The following POM121 variants were observed in gnomAD, a reference collection of about 807,000 sequenced individuals.
POM121 encodes POM121 transmembrane nucleoporin.
POM121 carries 32 observed loss-of-function variants against 81.3 expected under a neutral mutation model. The ratio of observed to expected loss-of-function variants is 0.39; its 90% CI spans 0.30 to 0.53. The LOEUF is 0.53. Ranked by LOEUF, POM121 falls within the 20% of genes least tolerant of loss-of-function variation. The pLI, the probability that POM121 is intolerant of heterozygous loss-of-function variation, is 0.66. For missense variants in POM121, 1,138 were observed against 1,614.6 expected (o/e 0.70, Z 5.06); for synonymous variants, 514 against 694.2 (o/e 0.74, Z 4.08).
At chr7:72,912,895 C>T (rs1385213273) in intron 3 of POM121, among the ~76,000 whole-genome samples, 14 of 152,150 alleles carry the variant, frequency 9.2e-5, no homozygotes, top group Non-Finnish European at 8.8e-5. Flanking sequence ...TCCGCGTCAT[C>T]AGTGGTACAT....
chr7:72,920,058 G>A (rs1325541170), intron 4 of POM121, among the ~76,000 whole-genome samples: 2 of 151,982 alleles, frequency 1.3e-5, no homozygotes, highest in African/African-American at 2.4e-5. Context: ...TTGAGCTTTG[G>A]GTCTGTGGGT....
At chr7:72,931,567 G>A (rs1415658051) in intron 5 of POM121, among the ~76,000 whole-genome samples, 12 of 150,554 alleles carry the variant, frequency 8.0e-5, no homozygotes, top group African/African-American at 2.7e-4. Flanking sequence ...CTAGTAACAC[G>A]CAATTTCTTT....
chr7:72,944,392 G>A (rs1741265083), intron 11 of POM121, among the ~76,000 whole-genome samples: 1 of 152,072 alleles, frequency 6.6e-6, no homozygotes, highest in African/African-American at 2.4e-5. Flanking sequence ...GGGAGAGAGA[G>A]GGTCAGGATA....
chr7:72,926,678 G>A, intron 2 of POM121, 124 bp from the exon 3 acceptor site: 1 of 1,493,518 alleles, frequency 6.7e-7, no homozygotes, highest in Non-Finnish European at 9.1e-7. Flanking sequence ...AACGGGAACT[G>A]CTGTGAGTGT....
At chr7:72,937,364 C>T (rs1796615402) in intron 5 of POM121, among the ~76,000 whole-genome samples, 1 of 151,884 alleles carries the variant, frequency 6.6e-6, no homozygotes. Context: ...ATCCTTGGAT[C>T]CCTTTGATGA....
intron 1 of POM121, among the ~76,000 whole-genome samples, chr7:72,884,532 TAG>T (rs1790500693): frequency 1.4e-5 from 1 of 72,624 alleles, no homozygotes; most frequent in South Asian, 4.4e-4. Flanking sequence ...ATATATTTGA[TAG>T]CAAATATATA....
In POM121 at chr7:72,946,558, C is replaced by A. The variant is rs1248706126; in HGVS notation, c.*324C>A. The A allele has an allele frequency of 3.7e-6, 4 of 1,074,876 alleles. No homozygotes were observed. The highest frequency in any genetic ancestry group is 5.1e-5 in the Admixed American group (1 of 19,454). The allele number at this position is 1,074,876 out of a possible 1,614,324, so 66.6% of individuals were successfully genotyped here. On this transcript the variant is annotated 3_prime_UTR_variant, in exon 13 of 13. Coordinates refer to ENST00000434423, the MANE Select transcript of POM121 (RefSeq NM_001387691.1). ...CCCGCTTAGCACACCCTTAGGCAGG[C>A]GCCCCTTCCACCTTTCCCCGAGACC...
intron 11 of POM121, among the ~76,000 whole-genome samples, chr7:72,944,332 T>C (rs1277066686): frequency 7.2e-5 from 11 of 151,914 alleles, no homozygotes; most frequent in African/African-American, 2.7e-4. Flanking sequence ...ATGTGGAAGA[T>C]GAATGTAGAT....
chr7:72,938,716 C>A, intron 6 of POM121, 35 bp downstream of exon 6: 1 of 1,602,222 alleles, frequency 6.2e-7, no homozygotes. Flanking sequence ...TCATTTGCTG[C>A]GTGGACAGGC....
intron 3 of POM121, among the ~76,000 whole-genome samples, chr7:72,894,945 A>T (rs1232772585): frequency 6.6e-6 from 1 of 152,104 alleles, no homozygotes; most frequent in Non-Finnish European, 1.5e-5. Flanking sequence ...CTCCCACCTC[A>T]GCTTCCACAT....
At chr7:72,931,864 C>T (rs1554498678) in intron 5 of POM121, among the ~76,000 whole-genome samples, 4 of 152,174 alleles carry the variant, frequency 2.6e-5, no homozygotes, top group African/African-American at 9.7e-5. Context: ...AGCCACCACG[C>T]CTGGCCCATG....
At chr7:72,950,028 A>G (rs1554504465), downstream of POM121, 1 of 1,547,790 alleles carries the variant, frequency 6.5e-7, no homozygotes, top group Non-Finnish European at 8.9e-7. Context: ...GTGCCTACAC[A>G]TTCTTCCCTT....
At position 72,881,778 on chromosome 7, in the gene POM121, C is replaced by G. The variant is rs1312977943; in HGVS notation, c.-521+1893C>G. On this transcript the variant is annotated intron_variant, in intron 1 of 15. Coordinates refer to the POM121 transcript ENST00000395270. ...CTGAGTAGCAGGGATTACAGGCGTGCGCCACCATGCCCAGCTAATTTTTTG... is the reference window on the plus strand; with the variant it reads ...CTGAGTAGCAGGGATTACAGGCGTGGGCCACCATGCCCAGCTAATTTTTTG... Among the ~76,000 whole-genome samples the G allele has an allele frequency of 1.1e-4, 16 of 151,926 alleles. No individual in the cohort carries two copies. In the East Asian group the frequency reaches 2.3e-3, roughly 22 times the overall value.
At chr7:72,903,035 C>A (rs1268369987) in intron 3 of POM121, among the ~76,000 whole-genome samples, 2 of 152,112 alleles carry the variant, frequency 1.3e-5, no homozygotes, top group African/African-American at 4.8e-5. Flanking sequence ...GCTGTACTCT[C>A]TTATGTCACT....
chr7:72,929,982 T>C lies in POM121; in HGVS notation c.1146T>C (p.Asp382=). 3 of 1,613,886 alleles carry C rather than the reference T, an allele frequency of 1.9e-6. No individual in the cohort carries two copies. The highest frequency in any genetic ancestry group is 1.7e-6 in the Non-Finnish European group (2 of 1,179,760). The change falls in exon 5 of 13, where the codon GAT becomes GAC. Residue 382 remains aspartate, a synonymous_variant. Coordinates refer to ENST00000434423, the MANE Select transcript of POM121 (RefSeq NM_001387691.1). ...LKRGLNSQSS[D]DHLNKRSRSS... is the part of the protein sequence containing the mutation. Reference sequence around the variant, plus strand: ...GAGGCCTCAATTCTCAGAGCTCAGATGACCACTTGAATAAGAGATCCCGAA... The same window carrying C: ...GAGGCCTCAATTCTCAGAGCTCAGACGACCACTTGAATAAGAGATCCCGAA...
At position 72,925,126 on chromosome 7, in the gene POM121, C is replaced by T. The variant is rs1554496764; in HGVS notation, c.5C>T (p.Ser2Phe). 2.1e-6 allele frequency: 3 copies of T among 1,427,804 alleles called. No homozygotes were observed. Among genetic ancestry groups the T allele is most frequent in the African/African-American group, 1.5e-5 (1 of 66,280 alleles). The allele number at this position is 1,427,804 out of a possible 1,614,324, so 88.4% of individuals were successfully genotyped here. The change falls in exon 1 of 13, where the codon TCT (serine) becomes TTT (phenylalanine). Residue 2 changes from serine to phenylalanine, a missense_variant. By Grantham distance (155) the Ser-to-Phe change is radical. This residue lies in a region of POM121 where 646 missense variants were observed against 633.5 expected (regional missense o/e 1.02). Coordinates refer to ENST00000434423, the MANE Select transcript of POM121 (RefSeq NM_001387691.1). MSPAAAAAGAGE... is the reference protein window; with the variant it reads MFPAAAAAGAGE... The stretch of plus-strand genomic sequence containing the variant: ...CCTCCGCGGCGCGGAGCCGCGATGT[C>T]TCCGGCGGCTGCGGCGGCTGGAGCA...
At chr7:72,934,409 G>T (rs1236242663) in intron 5 of POM121, among the ~76,000 whole-genome samples, 1 of 152,170 alleles carries the variant, frequency 6.6e-6, no homozygotes, top group Non-Finnish European at 1.5e-5. Context: ...TTTTCTTAGA[G>T]ATTTGAATAC....
At chr7:72,930,512 G>A (rs190026237) in intron 5 of POM121, among the ~76,000 whole-genome samples, 23 of 152,310 alleles carry the variant, frequency 1.5e-4, no homozygotes, top group African/African-American at 5.5e-4. Context: ...GTAGATAAAC[G>A]GACAGAGGGT....
intron 3 of POM121, among the ~76,000 whole-genome samples, chr7:72,896,206 T>C (rs1791932660): frequency 6.6e-6 from 1 of 151,938 alleles, no homozygotes; most frequent in Middle Eastern, 3.2e-3. Context: ...TATGCTGGAC[T>C]GGGCATGGTG....
Sources: gnomAD v4.1 joint callset for allele counts (sites outside exome capture counted in the v4.1 genomes callset) on GRCh38, gnomAD v4.1.1 for gene constraint, gnomAD v4.1.1 regional missense constraint, MANE v1.5 for transcripts, NCBI Gene and HGNC (gene_info 2026-07-23, HGNC 2026-07-21) for gene names.